The following AIM2 variants were observed in gnomAD, a reference collection of about 807,000 sequenced individuals.
AIM2 encodes interferon-inducible protein AIM2.
In AIM2, 30 loss-of-function variants were observed where a neutral mutation model predicts 27.7. The ratio of observed to expected loss-of-function variants is 1.08; its 90% CI spans 0.81 to 1.47. AIM2 has a LOEUF of 1.47. Ranked by LOEUF, AIM2 falls within the 40% of genes most tolerant of loss-of-function variation. AIM2 has a pLI of 0.00. For synonymous variants in AIM2, 141 were observed against 145.3 expected (o/e 0.97, Z 0.21); for missense variants, 358 against 411.3 (o/e 0.87, Z 1.12).
At chr1:159,083,983 T>A (rs1167914568) in intron 1 of AIM2, among the ~76,000 whole-genome samples, 2 of 152,216 alleles carry the variant, frequency 1.3e-5, no homozygotes, top group African/African-American at 2.4e-5. Context: ...AGCTAACCTT[T>A]ACCACTCAGC....
downstream of AIM2, among the ~76,000 whole-genome samples, chr1:159,060,798 G>A (rs1655808435): frequency 6.6e-6 from 1 of 152,072 alleles, no homozygotes; most frequent in South Asian, 2.1e-4. Flanking sequence ...TTCAGGTGAG[G>A]GATAATCGAG....
At chr1:159,108,349 T>C (rs1274938725) in intron 1 of AIM2, among the ~76,000 whole-genome samples, 2 of 152,172 alleles carry the variant, frequency 1.3e-5, no homozygotes, top group African/African-American at 4.8e-5. Context: ...CAGCATCCCT[T>C]TATAATTAAA....
intron 1 of AIM2, among the ~76,000 whole-genome samples, chr1:159,112,607 A>T (rs757787273): frequency 3.5e-4 from 53 of 152,360 alleles, no homozygotes; most frequent in Non-Finnish European, 6.5e-4. Context: ...TTTATTATAT[A>T]CTCAACAGGT....
chr1:159,106,409 CAGATGGTGTGTTCAATAT>C (rs1262728983), intron 1 of AIM2, among the ~76,000 whole-genome samples: 1 of 152,226 alleles, frequency 6.6e-6, no homozygotes, highest in Non-Finnish European at 1.5e-5. Context: ...TAGTTCATGT[CAGATGGTGTGTTCAATAT>C]ATGTTACCTA....
intron 1 of AIM2, among the ~76,000 whole-genome samples, chr1:159,099,283 T>C (rs1657263381): frequency 6.6e-6 from 1 of 152,082 alleles, no homozygotes. Flanking sequence ...GAAAGGACAG[T>C]CAGAGAGCCA....
chr1:159,104,201 A>T (rs1185858508), intron 1 of AIM2, among the ~76,000 whole-genome samples: 1 of 152,102 alleles, frequency 6.6e-6, no homozygotes, highest in Non-Finnish European at 1.5e-5. Flanking sequence ...GACTATTCCA[A>T]GATAGGGGAA....
At chr1:159,061,004 A>G (rs1009792378), downstream of AIM2, among the ~76,000 whole-genome samples, 1 of 152,174 alleles carries the variant, frequency 6.6e-6, no homozygotes, top group African/African-American at 2.4e-5. Context: ...CCCACCAGCA[A>G]TAAGTAAGAG....
intron 1 of AIM2, among the ~76,000 whole-genome samples, chr1:159,129,549 T>A (rs999693364): frequency 1.3e-5 from 2 of 152,140 alleles, no homozygotes; most frequent in African/African-American, 4.8e-5. Flanking sequence ...ACTTACTATG[T>A]GATGTTGGTT....
chr1:159,140,208 G>GACC (rs1225659160), intron 1 of AIM2, among the ~76,000 whole-genome samples: 1 of 152,176 alleles, frequency 6.6e-6, no homozygotes, highest in Non-Finnish European at 1.5e-5. Context: ...ATATCTATGG[G>GACC]ACCAGTGGGA....
chr1:159,065,762 A>G, intron 4 of AIM2, 148 bp downstream of exon 4: 1 of 843,918 alleles, frequency 1.2e-6, no homozygotes, highest in Non-Finnish European at 1.7e-6. Flanking sequence ...GAATTTTGGC[A>G]TGTTTACTCT....
chr1:159,064,711 C>T lies in AIM2; in HGVS notation c.817-1037G>A, dbSNP rs530107149. The stretch of plus-strand genomic sequence containing the variant: ...AACTCCTCAACTCAGGTGATCCATG[C>T]GCCTTGGCCTCCCAAAGTGCTAGGA... On this transcript the variant is annotated intron_variant, in intron 4 of 5. Transcript: ENST00000368130. 5.9e-5 allele frequency among the ~76,000 whole-genome samples: 9 copies of T among 152,296 alleles called. No homozygotes were observed. In the South Asian group the frequency reaches 1.2e-3, roughly 21 times the overall value.
intron 1 of AIM2, among the ~76,000 whole-genome samples, chr1:159,109,734 A>T (rs1266408931): frequency 1.3e-5 from 2 of 152,210 alleles, no homozygotes; most frequent in Admixed American, 1.3e-4. Flanking sequence ...ATTCCATCAA[A>T]AAGTGGGATA....
At chr1:159,130,283 C>G (rs1048491777) in intron 1 of AIM2, among the ~76,000 whole-genome samples, 3 of 152,118 alleles carry the variant, frequency 2.0e-5, no homozygotes, top group African/African-American at 7.2e-5. Context: ...TTGACCACTC[C>G]CAAGACATCA....
At chr1:159,132,350 C>CTT (rs1647909710) in intron 1 of AIM2, 1 of 151,964 alleles carries the variant, frequency 6.6e-6, no homozygotes, top group African/African-American at 2.4e-5. Flanking sequence ...CGCCATCGTA[C>CTT]TCCAGCCTGG....
At chr1:159,074,450 ATT>A (rs199703223) in intron 1 of AIM2, among the ~76,000 whole-genome samples, 2 of 148,192 alleles carry the variant, frequency 1.3e-5, no homozygotes, top group African/African-American at 4.9e-5. Context: ...ATTTTTAATG[ATT>A]TTTTTTTTTA....
chr1:159,130,873 G>T (rs1647853338), intron 1 of AIM2, among the ~76,000 whole-genome samples: 2 of 150,384 alleles, frequency 1.3e-5, no homozygotes, highest in Middle Eastern at 3.4e-3. Context: ...GTCATTGGCT[G>T]GTATTTTCTC....
intron 1 of AIM2, among the ~76,000 whole-genome samples, chr1:159,088,123 G>A (rs1469068690): frequency 6.6e-6 from 1 of 152,144 alleles, no homozygotes; most frequent in Non-Finnish European, 1.5e-5. Context: ...AGAGGAAGAG[G>A]CATAGATGAG....
At chr1:159,093,720 G>C (rs185549650) in intron 1 of AIM2, among the ~76,000 whole-genome samples, 208 of 148,998 alleles carry the variant, frequency 1.4e-3, no homozygotes, top group African/African-American at 5.0e-3. Flanking sequence ...ATATGTATGT[G>C]TATATATATA....
At position 159,084,011 on chromosome 1, in the gene AIM2, A is replaced by T. The variant is rs1656840661; in HGVS notation, c.-15-17682T>A. Among the ~76,000 whole-genome samples, 8 of 152,220 alleles carry T rather than the reference A, an allele frequency of 5.3e-5. No homozygotes were observed. In the South Asian group the frequency reaches 1.7e-3, roughly 32 times the overall value. On this transcript the variant is annotated intron_variant, in intron 1 of 2. Transcript: ENST00000368129. ...CACTCAGCCAGTAAGCCAATAAGTGAGAGATCTTTTTCACAGGCTATCTCA... is the reference window on the plus strand; with the variant it reads ...CACTCAGCCAGTAAGCCAATAAGTGTGAGATCTTTTTCACAGGCTATCTCA...
Sources: allele counts gnomAD v4.1 joint callset (sites outside exome capture counted in the v4.1 genomes callset), GRCh38; gene constraint gnomAD v4.1.1; transcripts MANE v1.5; gene names NCBI Gene and HGNC (gene_info 2026-07-23, HGNC 2026-07-21).